XRCC4: variants seen among roughly 807,000 people sequenced by gnomAD.
The protein encoded by XRCC4 is DNA repair protein XRCC4.
In XRCC4, 28 loss-of-function variants were observed where a neutral mutation model predicts 39.1. The ratio of observed to expected loss-of-function variants is 0.72; its 90% CI spans 0.53 to 0.98. The LOEUF (loss-of-function observed/expected upper bound fraction) is 0.98. XRCC4 is among the 50% of genes least tolerant of loss of function. The probability of loss-of-function intolerance (pLI) is 0.00; values close to 1 mark genes in which losing one functional copy is unlikely to be tolerated. For missense variants in XRCC4, 350 were observed against 376.4 expected (o/e 0.93, Z 0.58); for synonymous variants, 123 against 126.4 (o/e 0.97, Z 0.18).
chr5:83,128,558 C>A (rs79635693), intron 3 of XRCC4, among the ~76,000 whole-genome samples: 2,211 of 152,228 alleles, frequency 0.015, 63 homozygotes, highest in African/African-American at 0.051. Flanking sequence ...CACTGTCTTC[C>A]ACAATGGTTG....
intron 7 of XRCC4, among the ~76,000 whole-genome samples, chr5:83,300,731 G>GC (rs1233621184): frequency 6.7e-6 from 1 of 150,362 alleles, no homozygotes; most frequent in Non-Finnish European, 1.5e-5. Flanking sequence ...CCCTCCTCTT[G>GC]CCCCCCACCC....
At chr5:83,144,666 C>T (rs1282162246) in intron 3 of XRCC4, among the ~76,000 whole-genome samples, 1 of 147,480 alleles carries the variant, frequency 6.8e-6, no homozygotes. Context: ...TTTCTACCTC[C>T]ATTCTCTTTT....
intron 3 of XRCC4, among the ~76,000 whole-genome samples, chr5:83,192,917 T>G (rs368630172): frequency 6.6e-6 from 1 of 152,320 alleles, no homozygotes; most frequent in African/African-American, 2.4e-5. Context: ...AGAACAGCTG[T>G]GACAGTAACC....
chr5:83,219,194 C>T (rs970237214), intron 6 of XRCC4, among the ~76,000 whole-genome samples: 1 of 152,218 alleles, frequency 6.6e-6, no homozygotes, highest in South Asian at 2.1e-4. Context: ...TTAGGGCTCA[C>T]CCTAATGACC....
intron 7 of XRCC4, among the ~76,000 whole-genome samples, chr5:83,314,040 T>C (rs1755797922): frequency 6.6e-6 from 1 of 152,076 alleles, no homozygotes; most frequent in Non-Finnish European, 1.5e-5. Flanking sequence ...AATATTATTT[T>C]ATTATTATTT....
chr5:83,281,763 A>G (rs1754548014), intron 7 of XRCC4, among the ~76,000 whole-genome samples: 1 of 152,186 alleles, frequency 6.6e-6, no homozygotes. Context: ...GCACTGAACT[A>G]TGCCAAATTC....
intron 7 of XRCC4, among the ~76,000 whole-genome samples, chr5:83,323,344 A>C (rs1270249854): frequency 6.6e-6 from 1 of 152,130 alleles, no homozygotes; most frequent in Non-Finnish European, 1.5e-5. Context: ...AAAATGTAAT[A>C]GTAAATATAC....
chr5:83,187,292 C>T (rs551318847), intron 3 of XRCC4, among the ~76,000 whole-genome samples: 3 of 152,120 alleles, frequency 2.0e-5, no homozygotes, highest in South Asian at 4.1e-4. Flanking sequence ...GTATCTTCAC[C>T]GCTTATCCCT....
intron 7 of XRCC4, among the ~76,000 whole-genome samples, chr5:83,289,329 T>C (rs1038900319): frequency 6.6e-6 from 1 of 151,982 alleles, no homozygotes; most frequent in Admixed American, 6.6e-5. Flanking sequence ...GAATACCTTG[T>C]AATTTTCTGT....
intron 1 of XRCC4, among the ~76,000 whole-genome samples, chr5:83,078,758 A>G (rs1744799858): frequency 6.6e-6 from 1 of 152,194 alleles, no homozygotes; most frequent in African/African-American, 2.4e-5. Flanking sequence ...GCAGCATAGG[A>G]ACAAAGATGG....
intron 7 of XRCC4, among the ~76,000 whole-genome samples, chr5:83,281,955 G>C (rs1754556576): frequency 6.6e-6 from 1 of 152,144 alleles, no homozygotes; most frequent in Non-Finnish European, 1.5e-5. Flanking sequence ...ACAACAAAAA[G>C]CTCATCCATT....
intron 4 of XRCC4, among the ~76,000 whole-genome samples, chr5:83,196,202 C>T (rs1234924343): frequency 6.6e-6 from 1 of 151,798 alleles, no homozygotes; most frequent in Non-Finnish European, 1.5e-5. Flanking sequence ...CCCATTAATA[C>T]TAATAAAAGA....
intron 7 of XRCC4, among the ~76,000 whole-genome samples, chr5:83,348,847 A>C (rs1381596849): frequency 6.6e-6 from 1 of 152,222 alleles, no homozygotes; most frequent in Non-Finnish European, 1.5e-5. Context: ...GTTCATACAG[A>C]TGAGAGTAGG....
chr5:83,225,414 A>G (rs1320151728), intron 6 of XRCC4, among the ~76,000 whole-genome samples: 1 of 151,860 alleles, frequency 6.6e-6, no homozygotes, highest in Non-Finnish European at 1.5e-5. Context: ...TTCATGCTGT[A>G]CCTTTTGATC....
intron 7 of XRCC4, among the ~76,000 whole-genome samples, chr5:83,260,382 T>C (rs1303138214): frequency 1.3e-5 from 2 of 152,116 alleles, no homozygotes; most frequent in East Asian, 3.9e-4. Context: ...AGGCATAATG[T>C]TGATCATGCT....
At chr5:83,246,915 A>G (rs1016312635) in intron 6 of XRCC4, among the ~76,000 whole-genome samples, 14 of 152,202 alleles carry the variant, frequency 9.2e-5, no homozygotes, top group Non-Finnish European at 1.9e-4. Flanking sequence ...AGAGTAAAAT[A>G]TCTTATGAGG....
intron 7 of XRCC4, among the ~76,000 whole-genome samples, chr5:83,331,276 A>T (rs1276710190): frequency 6.6e-6 from 1 of 152,166 alleles, no homozygotes; most frequent in African/African-American, 2.4e-5. Flanking sequence ...TTATGTAACA[A>T]GGTAGACAAC....
intron 7 of XRCC4, among the ~76,000 whole-genome samples, chr5:83,278,764 T>C (rs1461727661): frequency 6.6e-6 from 1 of 151,900 alleles, no homozygotes; most frequent in Non-Finnish European, 1.5e-5. Context: ...GGTGGGTGGA[T>C]TACCTGAGCT....
chr5:83,089,211 C>A (rs1202738089), intron 1 of XRCC4, among the ~76,000 whole-genome samples: 2 of 152,118 alleles, frequency 1.3e-5, no homozygotes, highest in African/African-American at 4.8e-5. Flanking sequence ...TTGGAGAGGC[C>A]AGCACATGGG....
Sources: allele counts gnomAD v4.1 joint callset (sites outside exome capture counted in the v4.1 genomes callset), GRCh38; gene constraint gnomAD v4.1.1; transcripts MANE v1.5; gene names NCBI Gene and HGNC (gene_info 2026-07-23, HGNC 2026-07-21).